Variants in ERCC3 observed in about 807,000 individuals in gnomAD.
ERCC3 encodes general transcription and DNA repair factor IIH helicase/translocase subunit XPB.
A neutral mutation model predicts 94.2 loss-of-function variants in ERCC3; 66 were observed. The ratio of observed to expected loss-of-function variants is 0.70; its 90% CI spans 0.57 to 0.86. The LOEUF is 0.86. Among genes scored for constraint, ERCC3 ranks in the 40% least tolerant of loss-of-function variants. The probability of loss-of-function intolerance (pLI) is 0.00; values close to 1 mark genes in which losing one functional copy is unlikely to be tolerated. For synonymous variants in ERCC3, 349 were observed against 369.1 expected (o/e 0.95, Z 0.63); for missense variants, 829 against 987.1 (o/e 0.84, Z 2.15).
Position 127,264,164 on chromosome 2 carries a change from T to C in ERCC3, c.1946-2818A>G, listed in dbSNP as rs1684283674. The stretch of plus-strand genomic sequence containing the variant: ...TTTATCATGAAGGAATGTTGAATTT[T>C]ATCAAAAGCTCTTTCTGGGCTGGGC... On this transcript the variant is annotated intron_variant, in intron 12 of 14. Transcript: ENST00000285398. This position sits in a 1 kb window ranked among gnomAD's most constrained non-coding sequence, Gnocchi z 4.4. 6.6e-6 allele frequency among the ~76,000 whole-genome samples: 1 copy of C among 152,198 alleles called. No homozygotes were observed. The highest frequency in any genetic ancestry group is 2.4e-5 in the African/African-American group (1 of 41,450).
At position 127,280,715 on chromosome 2, in the gene ERCC3, T is replaced by A; in HGVS notation, c.1343-84A>T. The A allele has an allele frequency of 7.9e-7, 1 of 1,268,404 alleles. No individual in the cohort carries two copies. Among genetic ancestry groups the A allele is most frequent in the Non-Finnish European group, 1.1e-6 (1 of 897,500 alleles). The allele number at this position is 1,268,404 out of a possible 1,614,324, so 78.6% of individuals were successfully genotyped here. ...TATTTTAAAATATTTTTTGTAGAGA[T>A]GGGGTCTCATTATATTGCCCAGGCT... On this transcript the variant is annotated intron_variant, in intron 8 of 14. Coordinates refer to ENST00000285398, the MANE Select transcript of ERCC3 (RefSeq NM_000122.2). The surrounding 1 kb of genome is among the most constrained non-coding windows in gnomAD (Gnocchi z 6.3).
intron 12 of ERCC3, among the ~76,000 whole-genome samples, chr2:127,266,956 T>C (rs1011103221): frequency 3.9e-5 from 6 of 152,214 alleles, no homozygotes; most frequent in African/African-American, 1.4e-4. Context: ...GCTCAGGCAA[T>C]CTGCCGGCCT....
chr2:127,291,777 G>C lies in ERCC3; in HGVS notation c.471+833C>G, dbSNP rs906074926. 3 of 152,320 alleles carry C rather than the reference G, an allele frequency of 2.0e-5. No homozygotes were observed. The highest frequency in any genetic ancestry group is 4.4e-5 in the Non-Finnish European group (3 of 68,140). 9.4% of individuals were successfully genotyped at this position (152,320 alleles called of 1,614,324 possible). A position where few individuals can be genotyped will look rare whatever the true frequency, so the allele number is the denominator to read the frequency against. ...TCACCCATCTCGCAGAAGAAACCTA[G>C]CATGTTCAACTATTAATCACATGGA... On this transcript the variant is annotated intron_variant, in intron 3 of 14. Coordinates refer to ENST00000285398, the MANE Select transcript of ERCC3 (RefSeq NM_000122.2). This position sits in a 1 kb window ranked among gnomAD's most constrained non-coding sequence, Gnocchi z 4.9.
rs1181018386 is a variant in ERCC3 at position 127,292,745 on chromosome 2, A to AT, written c.335dup (p.His112GlnfsTer4). 1.2e-6 allele frequency: 2 copies of AT among 1,613,918 alleles called. No individual in the cohort carries two copies. Among genetic ancestry groups the AT allele is most frequent in the Admixed American group, 3.3e-5 (2 of 60,002 alleles). ...AGGCAGTTAGTTTGTACTCATGCAC[A>AT]TGGGTTGGTCGGCACACTGGCTCTG... On this transcript the variant is annotated frameshift_variant, in exon 3 of 15. Coordinates refer to ENST00000285398, the MANE Select transcript of ERCC3 (RefSeq NM_000122.2). LOFTEE classifies it high-confidence loss of function.
chr2:127,279,215 TC>T lies in ERCC3; in HGVS notation c.1687del (p.Asp563ThrfsTer6). 1 of 1,614,016 alleles carries T rather than the reference TC, an allele frequency of 6.2e-7. No homozygotes were observed. The highest frequency in any genetic ancestry group is 8.5e-7 in the Non-Finnish European group (1 of 1,179,844). ...ATATTCCTTTAGGGCAAACACATTGTCAGCAAAGACAATAATCTTGTCATTC... is the reference window on the plus strand; with the variant it reads ...ATATTCCTTTAGGGCAAACACATTGTAGCAAAGACAATAATCTTGTCATTC... ...RRNDKIIVFA[D>X]NVFALKEYAI... is the part of the protein sequence containing the mutation. On this transcript the variant is annotated frameshift_variant, in exon 10 of 15. Transcript: ENST00000285398. LOFTEE classifies it high-confidence loss of function. This position sits in a 1 kb window ranked among gnomAD's most constrained non-coding sequence, Gnocchi z 4.7.
At position 127,291,163 on chromosome 2, in the gene ERCC3, G is replaced by A. The variant is rs578103053; in HGVS notation, c.472-890C>T. The stretch of plus-strand genomic sequence containing the variant: ...CTGTTGTCCCTGATCCACCACTACA[G>A]TGCACCAACACCTACATCCCTGCAG... On this transcript the variant is annotated intron_variant, in intron 3 of 14. Coordinates refer to ENST00000285398, the MANE Select transcript of ERCC3 (RefSeq NM_000122.2). This position sits in a 1 kb window ranked among gnomAD's most constrained non-coding sequence, Gnocchi z 4.9. Among the ~76,000 whole-genome samples, 239 of 152,288 alleles carry A rather than the reference G, an allele frequency of 1.6e-3. 1 individual carries two copies. Among genetic ancestry groups the A allele is most frequent in the Admixed American group, 4.3e-3 (66 of 15,290 alleles).
intron 1 of ERCC3, 145 bp from the exon 2 acceptor site, chr2:127,293,863 C>T (rs1334193128): frequency 7.1e-6 from 11 of 1,549,174 alleles, no homozygotes; most frequent in Non-Finnish European, 8.7e-6. Flanking sequence ...TCACCCGTCT[C>T]CCCTAGGCCG....
rs533979212 is a variant in ERCC3 at position 127,274,441 on chromosome 2, G to C, written c.1731-1480C>G. On this transcript the variant is annotated intron_variant, in intron 10 of 14. Coordinates refer to ENST00000285398, the MANE Select transcript of ERCC3 (RefSeq NM_000122.2). The surrounding 1 kb of genome is among the most constrained non-coding windows in gnomAD (Gnocchi z 4.0). ...GTGGGAAACCAAGGGTCAGAAGCCT[G>C]AGCAGGTGGAACCTGGGAGTGGCTG... Among the ~76,000 whole-genome samples, 116 of 152,376 alleles carry C rather than the reference G, an allele frequency of 7.6e-4. No homozygotes were observed. The highest frequency in any genetic ancestry group is 2.6e-3 in the African/African-American group (108 of 41,596).
chr2:127,260,939 G>A (rs1482860979), intron 13 of ERCC3: 1 of 434,668 alleles, frequency 2.3e-6, no homozygotes, highest in Non-Finnish European at 4.3e-6. Context: ...GAAAGGAAGA[G>A]CTCTCCTAGC....
chr2:127,260,235 G>C (rs1465315460), intron 13 of ERCC3: 3 of 153,410 alleles, frequency 2.0e-5, no homozygotes, highest in Non-Finnish European at 2.9e-5. Context: ...CAGCACCGAA[G>C]ACACAGCTCC....
chr2:127,259,915 A>G lies in ERCC3; in HGVS notation c.2065-467T>C, dbSNP rs4150518. The G allele has an allele frequency of 8.0e-3, 1,973 of 246,932 alleles. 16 individuals are homozygous for G. Among genetic ancestry groups the G allele is most frequent in the Admixed American group, 0.012 (242 of 19,528 alleles). 15.3% of individuals were successfully genotyped at this position (246,932 alleles called of 1,614,324 possible). A position where few individuals can be genotyped will look rare whatever the true frequency, so the allele number is the denominator to read the frequency against. On this transcript the variant is annotated intron_variant, in intron 13 of 14. Transcript: ENST00000285398. This position sits in a 1 kb window ranked among gnomAD's most constrained non-coding sequence, Gnocchi z 4.9. ...AGCACGTGAAAATGAAAATGATAGGATATCAGGAAGATTATTTATAGAGCT... is the reference window on the plus strand; with the variant it reads ...AGCACGTGAAAATGAAAATGATAGGGTATCAGGAAGATTATTTATAGAGCT...
At chr2:127,261,398 A>G (rs1197652681) in intron 12 of ERCC3, 52 bp from the exon 13 acceptor site, 1 of 1,136,092 alleles carries the variant, frequency 8.8e-7, no homozygotes, top group Non-Finnish European at 1.3e-6. Flanking sequence ...TAGCCATTAG[A>G]ATGCCAAGAG....
chr2:127,259,543 C>G lies in ERCC3; in HGVS notation c.2065-95G>C, dbSNP rs1403006543. ...GGGTCCACCTGCTTTGGTCACTTCC[C>G]TCCCCAGGCCCAGCCACCCTGGTGG... On this transcript the variant is annotated intron_variant, in intron 13 of 14. Coordinates refer to ENST00000285398, the MANE Select transcript of ERCC3 (RefSeq NM_000122.2). The surrounding 1 kb of genome is among the most constrained non-coding windows in gnomAD (Gnocchi z 4.9). 3 of 1,540,976 alleles carry G rather than the reference C, an allele frequency of 1.9e-6. No individual in the cohort carries two copies. The highest frequency in any genetic ancestry group is 2.7e-5 in the African/African-American group (2 of 73,710).
intron 1 of ERCC3, 74 bp downstream of exon 1, chr2:127,293,980 G>A: frequency 6.4e-7 from 1 of 1,573,940 alleles, no homozygotes; most frequent in Non-Finnish European, 8.6e-7. Context: ...GAGGCCCGGA[G>A]CAGCTCCGAG....
intron 1 of ERCC3, 130 bp downstream of exon 1, chr2:127,293,924 T>C (rs1354949507): frequency 1.3e-6 from 2 of 1,531,426 alleles, no homozygotes; most frequent in Middle Eastern, 2.0e-4. Context: ...CAAAGGCCTG[T>C]CCCAACGGGG....
chr2:127,266,164 T>C (rs1458025254), intron 12 of ERCC3, among the ~76,000 whole-genome samples: 2 of 151,614 alleles, frequency 1.3e-5, no homozygotes, highest in East Asian at 3.9e-4. Context: ...TGAGTTCAAA[T>C]GATCCTCCCA....
intron 12 of ERCC3, among the ~76,000 whole-genome samples, chr2:127,263,144 G>GC (rs1184342690): frequency 2.6e-5 from 4 of 152,176 alleles, no homozygotes; most frequent in African/African-American, 4.8e-5. Context: ...CTATTCAGGT[G>GC]CTTTTGTGGT....
chr2:127,261,785 C>G (rs562120549), intron 12 of ERCC3: 1 of 219,846 alleles, frequency 4.5e-6, no homozygotes, highest in Admixed American at 5.3e-5. Flanking sequence ...TATCACCTCA[C>G]GCCCCTCTCC....
At chr2:127,269,024 A>C (rs925758295) in intron 12 of ERCC3, among the ~76,000 whole-genome samples, 3 of 152,220 alleles carry the variant, frequency 2.0e-5, no homozygotes, top group Admixed American at 2.0e-4. Flanking sequence ...GGAGAATTTA[A>C]GCATGAATAT....
Sources: gnomAD v4.1 joint callset for allele counts (sites outside exome capture counted in the v4.1 genomes callset) on GRCh38, gnomAD v4.1.1 for gene constraint, Gnocchi (gnomAD v3.1) non-coding constraint, MANE v1.5 for transcripts, NCBI Gene and HGNC (gene_info 2026-07-23, HGNC 2026-07-21) for gene names.